The following EIF2A variants were observed in gnomAD, a reference collection of about 807,000 sequenced individuals.
EIF2A encodes the protein 65 kDa eukaryotic translation initiation factor 2A.
A neutral mutation model predicts 75.2 loss-of-function variants in EIF2A; 62 were observed. That is an observed-to-expected ratio of 0.82 (90% CI 0.67 to 1.02). EIF2A has a LOEUF of 1.02. Among genes scored for constraint, EIF2A ranks in the 50% least tolerant of loss-of-function variants. EIF2A has a pLI of 0.00. For synonymous variants in EIF2A, 207 were observed against 239.0 expected, an observed-to-expected ratio of 0.87 and a Z score of 1.23; for missense variants, 611 against 677.7, an observed-to-expected ratio of 0.90 and a Z score of 1.09.
At chr3:150,556,657 A>T (rs879827808) in intron 2 of EIF2A, among the ~76,000 whole-genome samples, 1 of 152,208 alleles carries the variant, frequency 6.6e-6, no homozygotes, top group Non-Finnish European at 1.5e-5. Flanking sequence ...CTTAAGCTTG[A>T]TGATGAGTGC....
intron 1 of EIF2A, chr3:150,547,327 G>T (rs529201194): frequency 6.0e-6 from 1 of 165,752 alleles, no homozygotes; most frequent in South Asian, 1.3e-4. Flanking sequence ...TGTAATGCAG[G>T]TTTCAAATGA....
intron 5 of EIF2A, among the ~76,000 whole-genome samples, chr3:150,563,965 C>T (rs1444753430): frequency 2.0e-5 from 3 of 152,020 alleles, no homozygotes; most frequent in Admixed American, 1.3e-4. Context: ...ACTACAGGCA[C>T]GTGCCACCAT....
chr3:150,575,157 TATTTC>T (rs1426992243), intron 10 of EIF2A, among the ~76,000 whole-genome samples: 1 of 152,258 alleles, frequency 6.6e-6, no homozygotes, highest in Non-Finnish European at 1.5e-5. Flanking sequence ...TACTCCTTTC[TATTTC>T]ATTTATTTTC....
At chr3:150,573,567 A>C (rs1450402211) in intron 10 of EIF2A, among the ~76,000 whole-genome samples, 1 of 152,104 alleles carries the variant, frequency 6.6e-6, no homozygotes, top group Non-Finnish European at 1.5e-5. Context: ...TTTTTTGTTA[A>C]CATTTAAGAT....
chr3:150,575,647 A>G lies in EIF2A; in HGVS notation c.1384-2A>G. On this transcript the variant is annotated splice_acceptor_variant, in intron 10 of 13. Transcript: ENST00000460851. LOFTEE classifies it high-confidence loss of function. ...TTCAAAATTATTTTACATTTTCCAT[A>G]GCATGAAGAGGAACCACCTCAGAAT... The G allele has an allele frequency of 1.3e-6, 2 of 1,597,262 alleles. No homozygotes were observed. The highest frequency in any genetic ancestry group is 2.3e-5 in the South Asian group (2 of 87,288).
In EIF2A at chr3:150,564,294, C is replaced by T; in HGVS notation, c.393-5C>T. On this transcript the variant is annotated splice_polypyrimidine_tract_variant and splice_region_variant and intron_variant, in intron 5 of 13. Transcript: ENST00000460851. The stretch of plus-strand genomic sequence containing the variant: ...TTATACTTTTTTTTTTTTTCATTGA[C>T]ATAGGTGTCCATCCTGGTCAGAAGA... 6.5e-7 allele frequency: 1 copy of T among 1,541,154 alleles called. No homozygotes were observed. The highest frequency in any genetic ancestry group is 8.7e-7 in the Non-Finnish European group (1 of 1,148,002).
At chr3:150,578,352 A>G (rs1212787882) in intron 11 of EIF2A, among the ~76,000 whole-genome samples, 2 of 148,672 alleles carry the variant, frequency 1.3e-5, no homozygotes, top group East Asian at 1.9e-4. Context: ...TATAAATAAT[A>G]TACAAATTCT....
At chr3:150,562,724 A>C in intron 4 of EIF2A, 64 bp downstream of exon 4, 1 of 1,096,266 alleles carries the variant, frequency 9.1e-7, no homozygotes, top group Non-Finnish European at 1.3e-6. Flanking sequence ...GGGGGGAAAA[A>C]GTTATAAAGT....
At chr3:150,561,890 C>T (rs35935283) in intron 3 of EIF2A, among the ~76,000 whole-genome samples, 16 of 151,052 alleles carry the variant, frequency 1.1e-4, no homozygotes, top group African/African-American at 3.9e-4. Flanking sequence ...TCCCGAGTAG[C>T]TGGGATTACA....
In EIF2A at chr3:150,572,504, A is replaced by G; in HGVS notation, c.1358A>G (p.Asn453Ser). ...GCTTATAGACCCCCAGCTTTAAGAA[A>G]TAAACCAATCACCAATTCCAAATTG... ...ATAYRPPALR[N>S]KPITNSKLHE... Residue 453 changes from asparagine (N) to serine (S), a missense_variant, in exon 10 of 14, where the codon AAT becomes AGT. Transcript: ENST00000460851. 10 of 1,606,022 alleles carry G rather than the reference A, an allele frequency of 6.2e-6. No individual in the cohort carries two copies. Among genetic ancestry groups the G allele is most frequent in the Non-Finnish European group, 8.5e-6 (10 of 1,177,138 alleles).
At chr3:150,575,174 T>C (rs1724786903) in intron 10 of EIF2A, among the ~76,000 whole-genome samples, 1 of 152,228 alleles carries the variant, frequency 6.6e-6, no homozygotes, top group Non-Finnish European at 1.5e-5. Context: ...TTTATTTTCT[T>C]ATAATCTATT....
intron 1 of EIF2A, among the ~76,000 whole-genome samples, chr3:150,550,865 C>A (rs1354160155): frequency 6.6e-6 from 1 of 152,096 alleles, no homozygotes; most frequent in East Asian, 1.9e-4. Flanking sequence ...CCTATGTTGC[C>A]CAGGCTGGTC....
At position 150,583,828 on chromosome 3, in the gene EIF2A, T is replaced by C; in HGVS notation, c.1693-18T>C. 5.0e-6 allele frequency: 8 copies of C among 1,611,540 alleles called. No homozygotes were observed. Among genetic ancestry groups the C allele is most frequent in the Non-Finnish European group, 6.8e-6 (8 of 1,178,608 alleles). On this transcript the variant is annotated intron_variant, in intron 13 of 13. Transcript: ENST00000460851. ...AGTAATTATTTCATAATAACTTCAT[T>C]GTTTCAAACTTTTCTAGTTGGAGAA...
At chr3:150,576,056 C>G (rs1472143165) in intron 11 of EIF2A, among the ~76,000 whole-genome samples, 1 of 152,072 alleles carries the variant, frequency 6.6e-6, no homozygotes, top group Non-Finnish European at 1.5e-5. Flanking sequence ...CTCTAGCCTT[C>G]CAGCCTGTGC....
At chr3:150,565,298 G>T (rs1022061295) in intron 6 of EIF2A, 2 of 441,584 alleles carry the variant, frequency 4.5e-6, no homozygotes, top group African/African-American at 4.1e-5. Flanking sequence ...ATGTCTGGTT[G>T]TCTTTAATTT....
At chr3:150,581,033 G>A (rs1725152275) in intron 11 of EIF2A, among the ~76,000 whole-genome samples, 1 of 152,204 alleles carries the variant, frequency 6.6e-6, no homozygotes, top group Admixed American at 6.5e-5. Flanking sequence ...AAAGGCCAGG[G>A]GCAAGAGTAT....
intron 11 of EIF2A, among the ~76,000 whole-genome samples, chr3:150,576,415 G>A (rs1177969288): frequency 1.3e-5 from 2 of 151,996 alleles, no homozygotes; most frequent in Non-Finnish European, 2.9e-5. Context: ...GAGTAACAGA[G>A]CAAGACCATG....
At position 150,583,811 on chromosome 3, in the gene EIF2A, T is replaced by C. The variant is rs757930521; in HGVS notation, c.1693-35T>C. Reference sequence around the variant, plus strand: ...ATTTTGGTTACATATCCAGTAATTATTTCATAATAACTTCATTGTTTCAAA... The same window carrying C: ...ATTTTGGTTACATATCCAGTAATTACTTCATAATAACTTCATTGTTTCAAA... On this transcript the variant is annotated intron_variant, in intron 13 of 13. Coordinates refer to ENST00000460851, the MANE Select transcript of EIF2A (RefSeq NM_032025.5). 11 of 1,601,690 alleles carry C rather than the reference T, an allele frequency of 6.9e-6. No homozygotes were observed. The South Asian group carries it at 1.2e-4, about 18-fold the overall frequency.
intron 11 of EIF2A, among the ~76,000 whole-genome samples, chr3:150,578,182 C>T (rs1040845416): frequency 4.6e-5 from 7 of 151,720 alleles, no homozygotes; most frequent in Admixed American, 4.6e-4. Flanking sequence ...AAGTTTCTTC[C>T]ACTTTATCAA....
Sources: gnomAD v4.1 joint callset for allele counts (sites outside exome capture counted in the v4.1 genomes callset) on GRCh38, gnomAD v4.1.1 for gene constraint, MANE v1.5 for transcripts, NCBI Gene and HGNC (gene_info 2026-07-23, HGNC 2026-07-21) for gene names.